Variants in JAK2 observed in about 807,000 individuals in gnomAD.
JAK2 encodes the protein tyrosine-protein kinase JAK2.
In JAK2, 86 loss-of-function variants were observed where a neutral mutation model predicts 139.3. The ratio of observed to expected loss-of-function variants is 0.62; its 90% confidence interval spans 0.52 to 0.74. JAK2 has a LOEUF of 0.74. JAK2 is among the 30% of genes least tolerant of loss of function. The pLI, the probability that JAK2 is intolerant of heterozygous loss-of-function variation, is 0.00. For synonymous variants in JAK2, 490 were observed against 437.7 expected (o/e 1.12, Z -1.49); for missense variants, 1,421 against 1,360.3 (o/e 1.04, Z -0.70).
At chr9:5,082,953 T>C (rs1009412037) in intron 19 of JAK2, among the ~76,000 whole-genome samples, 3 of 152,240 alleles carry the variant, frequency 2.0e-5, no homozygotes, top group Non-Finnish European at 4.4e-5. Flanking sequence ...GTCTTCCTTT[T>C]CTACATAGAC....
chr9:5,114,304 C>T, intron 22 of JAK2: 2 of 542,728 alleles, frequency 3.7e-6, no homozygotes, highest in Non-Finnish European at 3.6e-6. Flanking sequence ...CTGACTTGGT[C>T]CCAGGCCAGT....
intron 13 of JAK2, among the ~76,000 whole-genome samples, chr9:5,073,381 TCTA>T (rs1819100138): frequency 6.6e-6 from 1 of 152,210 alleles, no homozygotes; most frequent in African/African-American, 2.4e-5. Context: ...ATCTCTGACA[TCTA>T]CCTCTAGTTG....
At chr9:5,024,981 A>G (rs1822689757) in intron 3 of JAK2, among the ~76,000 whole-genome samples, 1 of 152,190 alleles carries the variant, frequency 6.6e-6, no homozygotes, top group African/African-American at 2.4e-5. Flanking sequence ...TGGGCAGGAC[A>G]TGGGCGTAGT....
intron 4 of JAK2, among the ~76,000 whole-genome samples, chr9:5,031,121 A>G (rs547680239): frequency 1.8e-4 from 27 of 152,320 alleles, no homozygotes; most frequent in African/African-American, 6.5e-4. Flanking sequence ...GGGAGATGGA[A>G]TATTACAAAG....
At chr9:5,003,368 T>A (rs1159474802) in intron 2 of JAK2, among the ~76,000 whole-genome samples, 2 of 152,008 alleles carry the variant, frequency 1.3e-5, no homozygotes, top group Non-Finnish European at 2.9e-5. Flanking sequence ...TCTATCCCTC[T>A]CTTATTTAGC....
intron 8 of JAK2, among the ~76,000 whole-genome samples, chr9:5,057,576 C>T (rs967782186): frequency 1.2e-4 from 16 of 128,986 alleles, no homozygotes; most frequent in Admixed American, 1.1e-3. Flanking sequence ...CAGCATTCTA[C>T]TTTCTTTTTT....
rs1824028300 is a variant in JAK2, at chr9:5,126,790, GAAAGA to G, written c.*2_*6del. ...CAAATAAGGGATAACATGGCTGGAT[GAAAGA>G]AATGACCTTCATTCTGAGACCAAAG... On this transcript the variant is annotated stop_retained_variant and 3_prime_UTR_variant, in exon 25 of 25. Coordinates refer to ENST00000381652, the MANE Select transcript of JAK2 (RefSeq NM_004972.4). The G allele has an allele frequency of 6.3e-7, 1 of 1,588,218 alleles. No homozygotes were observed. The highest frequency in any genetic ancestry group is 2.2e-5 in the East Asian group (1 of 44,654).
Position 5,072,477 on chromosome 9 carries a change from C to G in JAK2, c.1642-15C>G, listed in dbSNP as rs755912793. Reference sequence around the variant, plus strand: ...ATCTTTACTCATTCTTTTCTTTTACCTTTTTCTCTTGAAGAATGAAAGCCT... The same window carrying G: ...ATCTTTACTCATTCTTTTCTTTTACGTTTTTCTCTTGAAGAATGAAAGCCT... On this transcript the variant is annotated splice_polypyrimidine_tract_variant and intron_variant, in intron 12 of 24. Coordinates refer to ENST00000381652, the MANE Select transcript of JAK2 (RefSeq NM_004972.4). 1.3e-6 allele frequency: 2 copies of G among 1,505,820 alleles called. No individual in the cohort carries two copies. The highest frequency in any genetic ancestry group is 1.4e-5 in the South Asian group (1 of 72,814). 93.3% of individuals were successfully genotyped at this position (1,505,820 alleles called of 1,614,324 possible). A position where few individuals can be genotyped will look rare whatever the true frequency, so the allele number is the denominator to read the frequency against.
At chr9:5,070,485 G>A (rs1244954640) in intron 12 of JAK2, among the ~76,000 whole-genome samples, 1 of 152,002 alleles carries the variant, frequency 6.6e-6, no homozygotes, top group Non-Finnish European at 1.5e-5. Context: ...ATACTTAAGT[G>A]GAACCTGTGG....
In JAK2 at chr9:5,064,444, C is replaced by T. The variant is rs534904408; in HGVS notation, c.1057-439C>T. ...ACTCATGAGGGTGAGGTGGGTGGAT[C>T]GCTTGAGCCTGGGAGGTGGAGGTTG... On this transcript the variant is annotated intron_variant, in intron 8 of 24. Transcript: ENST00000381652. Among the ~76,000 whole-genome samples the T allele has an allele frequency of 1.5e-3, 224 of 150,810 alleles. 4 individuals carry two copies. The highest frequency in any genetic ancestry group is 2.5e-3 in the Non-Finnish European group (169 of 67,800).
At chr9:5,048,491 C>G (rs951520822) in intron 5 of JAK2, among the ~76,000 whole-genome samples, 3 of 152,050 alleles carry the variant, frequency 2.0e-5, no homozygotes, top group Non-Finnish European at 4.4e-5. Flanking sequence ...AAGAATCTAC[C>G]AAGTCATTGA....
In JAK2 at chr9:5,111,038, C is replaced by T. The variant is rs186708539; in HGVS notation, c.3060-11966C>T. 600 of 909,506 alleles carry T rather than the reference C, an allele frequency of 6.6e-4. 1 individual carries two copies. Among genetic ancestry groups the T allele is most frequent in the Middle Eastern group, 1.3e-3 (4 of 2,998 alleles). 56.3% of individuals were successfully genotyped at this position (909,506 alleles called of 1,614,324 possible). ...GGCCGGCCCGCCTCCCTGGCCGGGGCGCAATTCAGAGGTTCAGGTCTTGAG... is the reference window on the plus strand; with the variant it reads ...GGCCGGCCCGCCTCCCTGGCCGGGGTGCAATTCAGAGGTTCAGGTCTTGAG... On this transcript the variant is annotated intron_variant, in intron 22 of 24. Transcript: ENST00000381652.
intron 22 of JAK2, among the ~76,000 whole-genome samples, chr9:5,101,662 T>G (rs1024686193): frequency 6.6e-6 from 1 of 152,198 alleles, no homozygotes; most frequent in Non-Finnish European, 1.5e-5. Context: ...GGTGCCTGTC[T>G]GGGACGAAGC....
At chr9:5,068,980 T>C (rs746410673) in intron 10 of JAK2, 42 bp from the exon 11 acceptor site, 4 of 1,149,452 alleles carry the variant, frequency 3.5e-6, no homozygotes, top group Non-Finnish European at 5.0e-6. Context: ...GTGATGTCCA[T>C]TGTGACTATC....
At chr9:5,006,406 T>C (rs1443794003) in intron 2 of JAK2, among the ~76,000 whole-genome samples, 4 of 152,150 alleles carry the variant, frequency 2.6e-5, no homozygotes, top group Admixed American at 6.5e-5. Flanking sequence ...ACAATGGGGT[T>C]TTCTAGATAT....
Position 5,126,401 on chromosome 9 carries a change from G to A in JAK2, c.3246G>A (p.Leu1082=), listed in dbSNP as rs753838619. The change falls in exon 24 of 25, where the codon TTG becomes TTA. Residue 1082 remains leucine (L), a synonymous_variant. Transcript: ENST00000381652. ...TCGTGTTCCATTTGATAGAACTTTT[G>A]AAGAATAATGGAAGATTACCAAGAC... ...QMIVFHLIEL[L]KNNGRLPRPD... The A allele has an allele frequency of 2.5e-6, 4 of 1,610,904 alleles. No individual in the cohort carries two copies. Among genetic ancestry groups the A allele is most frequent in the Non-Finnish European group, 3.4e-6 (4 of 1,178,010 alleles).
At chr9:5,060,474 T>C (rs527851536) in intron 8 of JAK2, among the ~76,000 whole-genome samples, 2 of 152,336 alleles carry the variant, frequency 1.3e-5, no homozygotes, top group African/African-American at 4.8e-5. Flanking sequence ...TGCTGTCTTT[T>C]CAACAACATT....
At chr9:5,032,906 G>C (rs986579303) in intron 4 of JAK2, among the ~76,000 whole-genome samples, 4 of 152,202 alleles carry the variant, frequency 2.6e-5, no homozygotes, top group African/African-American at 9.6e-5. Context: ...GAATGACTTT[G>C]ACAAGTTGAG....
chr9:5,013,096 C>A (rs1821806074), intron 2 of JAK2, among the ~76,000 whole-genome samples: 1 of 152,160 alleles, frequency 6.6e-6, no homozygotes, highest in African/African-American at 2.4e-5. Context: ...TGACCAAATT[C>A]TTTATTATCT....
Sources: allele counts gnomAD v4.1 joint callset (sites outside exome capture counted in the v4.1 genomes callset), GRCh38; gene constraint gnomAD v4.1.1; transcripts MANE v1.5; gene names NCBI Gene and HGNC (gene_info 2026-07-23, HGNC 2026-07-21).